The following IFT81 variants were observed in gnomAD, a reference collection of about 807,000 sequenced individuals.
IFT81 encodes the protein intraflagellar transport protein 81 homolog.
A neutral mutation model predicts 102.6 loss-of-function variants in IFT81; 72 were observed. The observed-to-expected ratio is 0.70, with a 90% confidence interval of 0.58 to 0.85. IFT81 has a LOEUF of 0.85. Among genes scored for constraint, IFT81 ranks in the 40% least tolerant of loss-of-function variants. The pLI, the probability that IFT81 is intolerant of heterozygous loss-of-function variation, is 0.00. For synonymous variants in IFT81, 237 were observed against 242.7 expected, an observed-to-expected ratio of 0.98 and a Z score of 0.22; for missense variants, 723 against 787.3, an observed-to-expected ratio of 0.92 and a Z score of 0.98.
At chr12:110,131,139 C>T (rs549470394) in intron 4 of IFT81, among the ~76,000 whole-genome samples, 61 of 151,864 alleles carry the variant, frequency 4.0e-4, no homozygotes, top group African/African-American at 1.5e-3. Flanking sequence ...AAAATTAGCC[C>T]AGCATGGTGA....
At position 110,126,423 on chromosome 12, in the gene IFT81, G is replaced by A. The variant is rs1893846532; in HGVS notation, c.-21-937G>A. ...AGAAAGGTTTCCTGGGGGAGCTGGC[G>A]TTTGGTGGGCATGGCTTGAAAGATG... On this transcript the variant is annotated intron_variant, in intron 1 of 18. Transcript: ENST00000242591. Among the ~76,000 whole-genome samples, 4 of 152,222 alleles carry A rather than the reference G, an allele frequency of 2.6e-5. No individual in the cohort carries two copies. The South Asian group carries it at 8.3e-4, about 32-fold the overall frequency.
In IFT81 at chr12:110,203,924, G is replaced by A. The variant is rs549244328; in HGVS notation, c.1618G>A (p.Glu540Lys). 31 of 1,613,108 alleles carry A rather than the reference G, an allele frequency of 1.9e-5. No homozygotes were observed. Among genetic ancestry groups the A allele is most frequent in the Middle Eastern group, 1.6e-4 (1 of 6,080 alleles). Residue 540 changes from glutamate (E) to lysine (K), a missense_variant, in exon 15 of 19, where the codon GAA becomes AAA. Transcript: ENST00000242591. ...GTATGATAGCTGTGCAGCAGGCCTC[G>A]AAAGCAATCGGTCCAAATTAGAACA... is the stretch of plus-strand genomic sequence containing the variant. ...SQYDSCAAGLESNRSKLEQEV... is the reference protein window; with the variant it reads ...SQYDSCAAGLKSNRSKLEQEV...
intron 9 of IFT81, among the ~76,000 whole-genome samples, chr12:110,145,958 A>G (rs1566116627): frequency 1.3e-5 from 2 of 150,904 alleles, no homozygotes; most frequent in Non-Finnish European, 3.0e-5. Flanking sequence ...CTACAGGTGC[A>G]TGCCACCAAG....
At chr12:110,196,814 A>G (rs1344171325) in intron 14 of IFT81, among the ~76,000 whole-genome samples, 2 of 152,200 alleles carry the variant, frequency 1.3e-5, no homozygotes, top group Non-Finnish European at 2.9e-5. Flanking sequence ...ATTAAAGCAT[A>G]TATGCCAGCT....
Position 110,128,140 on chromosome 12 carries a change from C to T in IFT81, c.239C>T (p.Ala80Val). The change falls in exon 3 of 19, where the codon GCC becomes GTC. Residue 80 changes from alanine to valine, a missense_variant. By Grantham distance (64) the Ala-to-Val change is moderately conservative. Transcript: ENST00000242591. ...GILKYKPSGN[A>V]TDMSTFRQGL... is the part of the protein sequence containing the mutation. ...CTTAAGTACAAACCTTCAGGAAATG[C>T]CACAGATATGTAAGAATCTGATCAC... The T allele has an allele frequency of 6.3e-7, 1 of 1,599,320 alleles. No homozygotes were observed. The highest frequency in any genetic ancestry group is 8.6e-7 in the Non-Finnish European group (1 of 1,166,772).
intron 11 of IFT81, among the ~76,000 whole-genome samples, chr12:110,174,826 A>G (rs80037909): frequency 0.022 from 3,389 of 152,338 alleles, 126 homozygotes; most frequent in African/African-American, 0.077. Context: ...TTCCATTTTG[A>G]TCACAGGGGA....
intron 10 of IFT81, among the ~76,000 whole-genome samples, chr12:110,159,947 A>G (rs1445015447): frequency 1.3e-5 from 2 of 152,222 alleles, no homozygotes; most frequent in Non-Finnish European, 2.9e-5. Flanking sequence ...CAGTATTCCA[A>G]CAATTACACT....
intron 10 of IFT81, chr12:110,162,331 C>CTTTTTTTTTTTTTTTTTTTTTT (rs1160267123): frequency 1.0e-5 from 1 of 100,078 alleles, no homozygotes. Flanking sequence ...TAATATTTTT[C>CTTTTTTTTTTTTTTTTTTTTTT]TTTTTTTTTT....
chr12:110,184,595 G>A (rs1468409927), intron 12 of IFT81, among the ~76,000 whole-genome samples: 10 of 152,182 alleles, frequency 6.6e-5, no homozygotes, highest in Admixed American at 6.5e-4. Flanking sequence ...ACTTATGAAG[G>A]GTAAAGGGAA....
rs59756924 is a variant in IFT81 at position 110,128,786 on chromosome 12, CAAAAAAA to C, written c.249-146_249-140del. ...TGGGCAATAAAGTGAGACCCTGTCT[CAAAAAAA>C]AAAAAAAAAAAAAAAAAGATTCCTT... On this transcript the variant is annotated intron_variant, in intron 3 of 18. Transcript: ENST00000242591. Among the ~76,000 whole-genome samples the C allele has an allele frequency of 2.8e-4, 19 of 68,726 alleles. No homozygotes were observed. The East Asian group carries it at 6.5e-3, about 23-fold the overall frequency. 45.1% of individuals were successfully genotyped at this position (68,726 alleles called of 152,430 possible). A position where few individuals can be genotyped will look rare whatever the true frequency, so the allele number is the denominator to read the frequency against.
chr12:110,144,036 T>TA (rs1260290903), intron 9 of IFT81, among the ~76,000 whole-genome samples: 2 of 140,352 alleles, frequency 1.4e-5, no homozygotes, highest in Non-Finnish European at 3.0e-5. Flanking sequence ...TTTGAGACAG[T>TA]ACTTGCTCTG....
Position 110,218,363 on chromosome 12 carries a change from A to G in IFT81, c.*137A>G. 1 of 585,926 alleles carries G rather than the reference A, an allele frequency of 1.7e-6. No individual in the cohort carries two copies. The highest frequency in any genetic ancestry group is 2.8e-6 in the Non-Finnish European group (1 of 357,544). The allele number at this position is 585,926 out of a possible 1,614,324, so 36.3% of individuals were successfully genotyped here. On this transcript the variant is annotated 3_prime_UTR_variant, in exon 19 of 19. Transcript: ENST00000242591. ...CCATTCTTTATTAAGTTTTCATAGA[A>G]AATAATGTTAAGGTAGATTTAGTTT...
rs538298660 is a variant in IFT81 at position 110,198,896 on chromosome 12, G to A, written c.1558-4968G>A. ...GCAGTCTCAGCTCACTGCAACCTCC[G>A]TGTCCCGGGTTCAAGCCATTCTTCT... On this transcript the variant is annotated intron_variant, in intron 14 of 18. Transcript: ENST00000242591. 4.7e-5 allele frequency among the ~76,000 whole-genome samples: 7 copies of A among 149,516 alleles called. No homozygotes were observed. In the East Asian group the frequency reaches 7.8e-4, roughly 17 times the overall value.
chr12:110,169,693 G>T (rs1343207871), intron 11 of IFT81, among the ~76,000 whole-genome samples: 1 of 152,012 alleles, frequency 6.6e-6, no homozygotes, highest in Non-Finnish European at 1.5e-5. Context: ...CTCCCAGGTG[G>T]CTGGGATTGC....
At chr12:110,171,947 A>G (rs1396023477) in intron 11 of IFT81, 1 of 152,186 alleles carries the variant, frequency 6.6e-6, no homozygotes, top group African/African-American at 2.4e-5. Context: ...GTAGTTGTCT[A>G]TGCTTATACA....
chr12:110,160,986 A>G (rs1896099463), intron 10 of IFT81, among the ~76,000 whole-genome samples: 1 of 152,132 alleles, frequency 6.6e-6, no homozygotes, highest in Non-Finnish European at 1.5e-5. Context: ...TCCTGAGTTT[A>G]GTGGGAAATA....
Position 110,163,069 on chromosome 12 carries a change from A to T in IFT81, c.1188+4A>T. Reference sequence around the variant, plus strand: ...TGAAGTTTTAAAGGGAGATGAGGTAAGCTGAGCCATCTCATGGGACAAGGG... The same window carrying T: ...TGAAGTTTTAAAGGGAGATGAGGTATGCTGAGCCATCTCATGGGACAAGGG... On this transcript the variant is annotated splice_donor_region_variant and intron_variant, in intron 11 of 18. Transcript: ENST00000242591. 1 of 1,612,396 alleles carries T rather than the reference A, an allele frequency of 6.2e-7. No individual in the cohort carries two copies. The highest frequency in any genetic ancestry group is 1.3e-5 in the African/African-American group (1 of 74,990).
chr12:110,126,919 A>G (rs1346142333), intron 1 of IFT81, among the ~76,000 whole-genome samples: 1 of 152,198 alleles, frequency 6.6e-6, no homozygotes, highest in Non-Finnish European at 1.5e-5. Context: ...TTCAAGAGAA[A>G]CTGGAAATAC....
chr12:110,176,054 C>G (rs1897021495), intron 11 of IFT81, among the ~76,000 whole-genome samples: 1 of 152,074 alleles, frequency 6.6e-6, no homozygotes, highest in Non-Finnish European at 1.5e-5. Context: ...TTCCACGACT[C>G]CTCACTCACC....
Sources: gnomAD v4.1 joint callset for allele counts (sites outside exome capture counted in the v4.1 genomes callset) on GRCh38, gnomAD v4.1.1 for gene constraint, MANE v1.5 for transcripts, NCBI Gene and HGNC (gene_info 2026-07-23, HGNC 2026-07-21) for gene names.